CDH12: variants seen among roughly 807,000 people sequenced by gnomAD.
CDH12 encodes the protein cadherin 12.
Under a neutral mutation model 74.1 loss-of-function variants are expected in CDH12, and 41 were observed. That is an observed-to-expected ratio of 0.55 (90% confidence interval 0.43 to 0.72). The LOEUF is 0.72. Ranked by LOEUF, CDH12 falls within the 30% of genes least tolerant of loss-of-function variation. CDH12 has a pLI of 0.00. For synonymous variants in CDH12, 399 were observed against 355.0 expected (o/e 1.12, Z -1.39); for missense variants, 945 against 977.2 (o/e 0.97, Z 0.44).
At chr5:22,030,254 T>G (rs1738723684) in intron 5 of CDH12, among the ~76,000 whole-genome samples, 1 of 151,946 alleles carries the variant, frequency 6.6e-6, no homozygotes, top group Admixed American at 6.6e-5. Context: ...CCCCAAAACT[T>G]AAAGTTTAAT....
rs911692108 is a variant in CDH12 at position 22,016,681 on chromosome 5, C to T, written c.232-41296G>A. 7.2e-5 allele frequency among the ~76,000 whole-genome samples: 11 copies of T among 152,000 alleles called. 1 individual carries two copies. The highest frequency in any genetic ancestry group is 2.1e-4 in the South Asian group (1 of 4,822). ...GATTACAGGTGTGAGCCACCATGCC[C>T]GGCCTTGTATAAGGTTTTAAAAGTT... On this transcript the variant is annotated intron_variant, in intron 5 of 14. Coordinates refer to ENST00000382254, the MANE Select transcript of CDH12 (RefSeq NM_004061.5).
At chr5:22,102,848 C>T in intron 4 of CDH12, among the ~76,000 whole-genome samples, 1 of 152,078 alleles carries the variant, frequency 6.6e-6, no homozygotes, top group South Asian at 2.1e-4. Context: ...CCTCTTCAGC[C>T]TTCTGTTCAG....
intron 12 of CDH12, among the ~76,000 whole-genome samples, chr5:21,763,506 C>A (rs1463732494): frequency 1.3e-5 from 2 of 151,996 alleles, no homozygotes; most frequent in African/African-American, 4.8e-5. Flanking sequence ...TTTTAAATAT[C>A]AAGACTTATT....
chr5:22,265,148 G>A (rs574263733), intron 3 of CDH12, among the ~76,000 whole-genome samples: 6 of 152,160 alleles, frequency 3.9e-5, no homozygotes, highest in African/African-American at 1.4e-4. Context: ...AATCAGTCTT[G>A]GACAAAATGC....
At chr5:22,766,208 A>G (rs550826275) in intron 1 of CDH12, among the ~76,000 whole-genome samples, 1 of 152,088 alleles carries the variant, frequency 6.6e-6, no homozygotes, top group African/African-American at 2.4e-5. Flanking sequence ...AAATAATTTC[A>G]ATATGCATTT....
chr5:22,084,043 A>G (rs1267716647), intron 4 of CDH12, among the ~76,000 whole-genome samples: 1 of 152,170 alleles, frequency 6.6e-6, no homozygotes, highest in African/African-American at 2.4e-5. Flanking sequence ...TCTGGGAAGG[A>G]CATAATTTTA....
intron 4 of CDH12, among the ~76,000 whole-genome samples, chr5:22,156,680 A>G (rs2150315522): frequency 6.6e-6 from 1 of 152,264 alleles, no homozygotes; most frequent in African/African-American, 2.4e-5. Context: ...ATCATTTTAA[A>G]AAGAACACTC....
intron 3 of CDH12, among the ~76,000 whole-genome samples, chr5:22,242,352 A>G (rs1470701899): frequency 3.9e-5 from 6 of 152,156 alleles, no homozygotes; most frequent in African/African-American, 1.2e-4. Flanking sequence ...TGACACTTCT[A>G]TATTTTTCGT....
At chr5:21,904,222 G>T (rs1330877195) in intron 6 of CDH12, among the ~76,000 whole-genome samples, 1 of 152,048 alleles carries the variant, frequency 6.6e-6, no homozygotes, top group East Asian at 1.9e-4. Flanking sequence ...TATAACACAG[G>T]ATCTCAAAAA....
At chr5:22,371,182 T>G (rs1457299290) in intron 3 of CDH12, among the ~76,000 whole-genome samples, 1 of 152,132 alleles carries the variant, frequency 6.6e-6, no homozygotes, top group Non-Finnish European at 1.5e-5. Flanking sequence ...GTAACTGTAA[T>G]TTGTCTAGGT....
chr5:22,314,939 G>GTTTTTTTT (rs1340897012), intron 3 of CDH12, among the ~76,000 whole-genome samples: 1 of 73,624 alleles, frequency 1.4e-5, no homozygotes, highest in African/African-American at 4.7e-5. Context: ...CCCTGGGTTG[G>GTTTTTTTT]TCTTTTTTTT....
At chr5:22,104,487 A>T (rs1013257285) in intron 4 of CDH12, among the ~76,000 whole-genome samples, 3 of 152,200 alleles carry the variant, frequency 2.0e-5, no homozygotes, top group Non-Finnish European at 4.4e-5. Context: ...AAAGGAAAAA[A>T]AAAACTTTGT....
chr5:22,728,679 C>T (rs1197044798), intron 1 of CDH12, among the ~76,000 whole-genome samples: 1 of 151,796 alleles, frequency 6.6e-6, no homozygotes, highest in African/African-American at 2.4e-5. Context: ...GTCTAAGATG[C>T]GGCAAATCCA....
intron 5 of CDH12, among the ~76,000 whole-genome samples, chr5:21,999,622 G>T (rs1187047599): frequency 6.6e-6 from 1 of 151,776 alleles, no homozygotes; most frequent in South Asian, 2.1e-4. Context: ...TCTGTTAAAG[G>T]CATCTCTTTG....
At position 22,417,547 on chromosome 5, in the gene CDH12, A is replaced by G. The variant is rs554094573; in HGVS notation, c.-427-12196T>C. ...AGTTCCTTCATCCTGGACTTCCCCA[A>G]TTCTGGAACTATAAGAAATGCATCT... On this transcript the variant is annotated intron_variant, in intron 2 of 14. Coordinates refer to ENST00000382254, the MANE Select transcript of CDH12 (RefSeq NM_004061.5). 4.6e-5 allele frequency among the ~76,000 whole-genome samples: 7 copies of G among 152,342 alleles called. No homozygotes were observed. In the East Asian group the frequency reaches 1.4e-3, roughly 29 times the overall value.
chr5:22,449,133 A>C (rs1413243508), intron 2 of CDH12, among the ~76,000 whole-genome samples: 1 of 152,046 alleles, frequency 6.6e-6, no homozygotes, highest in Non-Finnish European at 1.5e-5. Flanking sequence ...TTATGAGATG[A>C]ACCTTTTACT....
At chr5:21,898,598 A>G (rs1753236442) in intron 6 of CDH12, among the ~76,000 whole-genome samples, 1 of 151,976 alleles carries the variant, frequency 6.6e-6, no homozygotes, top group Non-Finnish European at 1.5e-5. Flanking sequence ...GCTACTCGGG[A>G]GGCTGAGGCA....
chr5:22,698,548 CT>C (rs947572632), intron 1 of CDH12, among the ~76,000 whole-genome samples: 5 of 151,136 alleles, frequency 3.3e-5, no homozygotes, highest in East Asian at 3.9e-4. Context: ...CACAACATGT[CT>C]TTTTCATGAA....
At chr5:22,579,473 A>C (rs552068128) in intron 1 of CDH12, among the ~76,000 whole-genome samples, 1 of 152,256 alleles carries the variant, frequency 6.6e-6, no homozygotes, top group South Asian at 2.1e-4. Flanking sequence ...TTGGAAACAA[A>C]ATTTTTAAAA....
Sources: allele counts gnomAD v4.1 joint callset (sites outside exome capture counted in the v4.1 genomes callset), GRCh38; gene constraint gnomAD v4.1.1; transcripts MANE v1.5; gene names NCBI Gene and HGNC (gene_info 2026-07-23, HGNC 2026-07-21).